The following HAAO variants were observed in gnomAD, a reference collection of about 807,000 sequenced individuals.
The protein encoded by HAAO is 3-hydroxyanthranilate 3,4-dioxygenase, also known as 3-hydroxyanthranilate oxygenase.
A neutral mutation model predicts 46.2 loss-of-function variants in HAAO; 49 were observed. That is an observed-to-expected ratio of 1.06 (90% CI 0.84 to 1.34). HAAO has a LOEUF of 1.34. HAAO is among the 40% of genes most tolerant of loss of function. The pLI is 0.00. For synonymous variants in HAAO, 157 were observed against 145.2 expected, an observed-to-expected ratio of 1.08 and a Z score of -0.58; for missense variants, 408 against 364.5, an observed-to-expected ratio of 1.12 and a Z score of -0.97.
chr2:42,779,155 C>T (rs759131502), intron 4 of HAAO, among the ~76,000 whole-genome samples: 24 of 152,096 alleles, frequency 1.6e-4, no homozygotes, highest in Non-Finnish European at 3.2e-4. Flanking sequence ...ATAAATTAGT[C>T]ATTAATGTCA....
rs1573890092 is a variant in HAAO at position 42,767,437 on chromosome 2, T to G, written c.861A>C (p.Ter287CysextTer?). ...QDPACKKPLG[*>C] ...GCTGCTTCAGGCCATGGCAAGAGGG[T>G]CACCCCAGGGGCTTCTTGCAGGCAG... Residue 287 changes from the stop codon to cysteine (C), a stop_lost, in exon 10 of 10, where the codon TGA becomes TGC. Transcript: ENST00000294973. The G allele has an allele frequency of 6.2e-7, 1 of 1,609,158 alleles. No homozygotes were observed. The highest frequency in any genetic ancestry group is 1.3e-5 in the African/African-American group (1 of 74,712).
At chr2:42,777,741 T>C (rs539143675) in intron 4 of HAAO, among the ~76,000 whole-genome samples, 2 of 152,248 alleles carry the variant, frequency 1.3e-5, no homozygotes, top group African/African-American at 4.8e-5. Flanking sequence ...TAAAGTTAAA[T>C]TAAATAATAG....
intron 2 of HAAO, among the ~76,000 whole-genome samples, chr2:42,785,080 G>A (rs969779475): frequency 2.0e-5 from 3 of 152,210 alleles, no homozygotes; most frequent in East Asian, 3.8e-4. Context: ...AGGGTGCTGT[G>A]TGCCCTTGGT....
intron 1 of HAAO, among the ~76,000 whole-genome samples, chr2:42,790,217 TG>T (rs1436642732): frequency 6.6e-6 from 1 of 152,134 alleles, no homozygotes; most frequent in Admixed American, 6.5e-5. Context: ...TTTGGGAGGC[TG>T]GGCCCAATAA....
intron 4 of HAAO, among the ~76,000 whole-genome samples, chr2:42,782,324 A>G (rs959273601): frequency 3.9e-5 from 6 of 152,104 alleles, no homozygotes; most frequent in Non-Finnish European, 7.4e-5. Context: ...TGTGGTCTAT[A>G]TCGATTTTCC....
rs374600021 is a variant in HAAO at position 42,767,587 on chromosome 2, G to A, written c.782+8C>T. Reference sequence around the variant, plus strand: ...GGATCCCAGGGAAAGCCCTCCCTGCGTACTCACGAGGTCCCAGCTAGCACC... The same window carrying A: ...GGATCCCAGGGAAAGCCCTCCCTGCATACTCACGAGGTCCCAGCTAGCACC... On this transcript the variant is annotated splice_region_variant and intron_variant, in intron 9 of 9. Transcript: ENST00000294973. 102 of 1,577,908 alleles carry A rather than the reference G, an allele frequency of 6.5e-5. No individual in the cohort carries two copies. Among genetic ancestry groups the A allele is most frequent in the East Asian group, 2.1e-4 (9 of 43,172 alleles).
In HAAO at chr2:42,782,040, G is replaced by T. The variant is rs142124654; in HGVS notation, c.350+1274C>A. ...ATACCTGATGTTAGATTCTAGTCTTGCCTAATGTTTTTCAATTTTTATTAT... is the reference window on the plus strand; with the variant it reads ...ATACCTGATGTTAGATTCTAGTCTTTCCTAATGTTTTTCAATTTTTATTAT... On this transcript the variant is annotated intron_variant, in intron 4 of 9. Coordinates refer to ENST00000294973, the MANE Select transcript of HAAO (RefSeq NM_012205.3). Among the ~76,000 whole-genome samples, 28 of 152,292 alleles carry T rather than the reference G, an allele frequency of 1.8e-4. No individual in the cohort carries two copies. The East Asian group carries it at 5.0e-3, about 27-fold the overall frequency.
intron 4 of HAAO, among the ~76,000 whole-genome samples, chr2:42,781,396 A>T (rs1413820002): frequency 6.6e-6 from 1 of 152,080 alleles, no homozygotes; most frequent in Non-Finnish European, 1.5e-5. Flanking sequence ...GTAAGTAAAG[A>T]CCCTGTCTCT....
Position 42,783,881 on chromosome 2 carries a change from G to T in HAAO, c.160-14C>A, listed in dbSNP as rs758716728. 1 of 1,601,840 alleles carries T rather than the reference G, an allele frequency of 6.2e-7. No individual in the cohort carries two copies. The highest frequency in any genetic ancestry group is 1.7e-5 in the Admixed American group (1 of 58,770). ...CTGGTAAAATACCTGTGGGACAGGA[G>T]AGAGGCTTGGACCCTCCGCACTTTC... is the stretch of plus-strand genomic sequence containing the variant. On this transcript the variant is annotated splice_polypyrimidine_tract_variant and intron_variant, in intron 2 of 9. Coordinates refer to ENST00000294973, the MANE Select transcript of HAAO (RefSeq NM_012205.3).
intron 4 of HAAO, among the ~76,000 whole-genome samples, chr2:42,778,749 G>A (rs11693355): frequency 6.6e-6 from 1 of 151,998 alleles, no homozygotes; most frequent in Non-Finnish European, 1.5e-5. Context: ...AGCTCCTCAA[G>A]GCCCAGGGAC....
chr2:42,776,365 A>G (rs2104650127), intron 4 of HAAO, among the ~76,000 whole-genome samples: 1 of 148,636 alleles, frequency 6.7e-6, no homozygotes, highest in East Asian at 2.0e-4. Flanking sequence ...CAGCTTCCCT[A>G]GTAGCTGAGA....
intron 4 of HAAO, among the ~76,000 whole-genome samples, chr2:42,772,406 G>A (rs1191366067): frequency 4.0e-5 from 6 of 151,552 alleles, no homozygotes; most frequent in African/African-American, 1.5e-4. Context: ...GCTTGAACCC[G>A]GGAGGCAGAG....
At chr2:42,779,074 T>C (rs1184228306) in intron 4 of HAAO, among the ~76,000 whole-genome samples, 1 of 151,860 alleles carries the variant, frequency 6.6e-6, no homozygotes, top group Non-Finnish European at 1.5e-5. Flanking sequence ...GATCACACCA[T>C]TGCACTCCAG....
At chr2:42,788,150 G>A (rs1042467252) in intron 2 of HAAO, among the ~76,000 whole-genome samples, 7 of 152,182 alleles carry the variant, frequency 4.6e-5, no homozygotes, top group Admixed American at 2.6e-4. Context: ...CCCCGTCTGC[G>A]GGGGAGGATC....
intron 4 of HAAO, among the ~76,000 whole-genome samples, chr2:42,770,932 T>A (rs969459781): frequency 2.0e-5 from 3 of 152,192 alleles, no homozygotes; most frequent in Admixed American, 2.0e-4. Context: ...AGCAGGCCAG[T>A]CTCAAGACAA....
chr2:42,785,077 T>C (rs1022706151), intron 2 of HAAO, among the ~76,000 whole-genome samples: 2 of 152,240 alleles, frequency 1.3e-5, no homozygotes, highest in Non-Finnish European at 2.9e-5. Flanking sequence ...GCCAGGGTGC[T>C]GTGTGCCCTT....
rs1270258089 is a variant in HAAO at position 42,769,773 on chromosome 2, G to C, written c.570C>G (p.His190Gln). The change falls in exon 7 of 10, where the codon CAC becomes CAG. Residue 190 changes from histidine to glutamine, a missense_variant. Coordinates refer to ENST00000294973, the MANE Select transcript of HAAO (RefSeq NM_012205.3). ...PMSLDAWLDS[H>Q]HRELQAGTPL... Reference sequence around the variant, plus strand: ...GTGTGCCTGCCTGCAGCTCCCTGTGGTGGCTGTCCAGCCAGGCATCCAGGG... The same window carrying C: ...GTGTGCCTGCCTGCAGCTCCCTGTGCTGGCTGTCCAGCCAGGCATCCAGGG... 6.2e-6 allele frequency: 10 copies of C among 1,613,904 alleles called. No individual in the cohort carries two copies. Among genetic ancestry groups the C allele is most frequent in the Middle Eastern group, 1.6e-4 (1 of 6,084 alleles).
intron 4 of HAAO, chr2:42,782,885 C>G (rs1337014737): frequency 4.3e-6 from 2 of 461,306 alleles, no homozygotes; most frequent in East Asian, 6.9e-5. Context: ...TCATGTCTCC[C>G]TAAAATGTAT....
rs372385922 is a variant in HAAO at position 42,777,786 on chromosome 2, A to G, written c.350+5528T>C. Among the ~76,000 whole-genome samples, 34 of 152,310 alleles carry G rather than the reference A, an allele frequency of 2.2e-4. 1 individual carries two copies. In the South Asian group the frequency reaches 6.2e-3, roughly 28 times the overall value. ...TATTTGGGTACTTTCCAATAAAAAT[A>G]TATTTGTAGGAAAACATTCTTTCTA... On this transcript the variant is annotated intron_variant, in intron 4 of 9. Transcript: ENST00000294973.
Sources: gnomAD v4.1 joint callset for allele counts (sites outside exome capture counted in the v4.1 genomes callset) on GRCh38, gnomAD v4.1.1 for gene constraint, MANE v1.5 for transcripts, NCBI Gene and HGNC (gene_info 2026-07-23, HGNC 2026-07-21) for gene names.